LINGO1: variants seen among roughly 807,000 people sequenced by gnomAD.
LINGO1 encodes the protein leucine-rich repeat and immunoglobulin-like domain-containing nogo receptor-interacting protein 1.
In LINGO1, 11 loss-of-function variants were observed where a neutral mutation model predicts 37.3. The observed-to-expected ratio is 0.29, with a 90% CI of 0.19 to 0.49. The LOEUF is 0.49. LINGO1 is among the 20% of genes least tolerant of loss of function. The pLI is 0.99. For synonymous variants in LINGO1, 387 were observed against 403.0 expected (o/e 0.96, Z 0.48); for missense variants, 585 against 878.2 (o/e 0.67, Z 4.22).
intron 1 of LINGO1, among the ~76,000 whole-genome samples, chr15:77,743,689 C>T (rs545949695): frequency 6.7e-4 from 102 of 152,104 alleles, no homozygotes; most frequent in Middle Eastern, 6.8e-3. Flanking sequence ...GAGTTATTCT[C>T]GAGTTAACAA....
rs2075823175 is a variant in LINGO1, at chr15:77,704,425, A to C, written c.-194-13524T>G. Reference sequence around the variant, plus strand: ...GATTGAACCCCAACCCTGGCCACACACTGAATCCCGACCCTGGTCAGACAC... The same window carrying C: ...GATTGAACCCCAACCCTGGCCACACCCTGAATCCCGACCCTGGTCAGACAC... On this transcript the variant is annotated intron_variant, in intron 2 of 3. Coordinates refer to the LINGO1 transcript ENST00000561686. Among the ~76,000 whole-genome samples the C allele has an allele frequency of 1.1e-4, 16 of 150,826 alleles. 1 individual carries two copies. Among genetic ancestry groups the C allele is most frequent in the African/African-American group, 3.5e-4 (14 of 40,210 alleles).
In LINGO1 at chr15:77,621,150, G is replaced by A. The variant is rs553549208; in HGVS notation, c.7-5250C>T. On this transcript the variant is annotated intron_variant, in intron 1 of 1. Transcript: ENST00000355300. ...GCTCACTGTGACCTCCACCTCCCAG[G>A]TTCAAGTGATTTTCTGGCCTCAGCC... Among the ~76,000 whole-genome samples, 21 of 151,846 alleles carry A rather than the reference G, an allele frequency of 1.4e-4. No individual in the cohort carries two copies. In the South Asian group the frequency reaches 3.9e-3, roughly 29 times the overall value.
chr15:77,742,682 C>G (rs2076275942), intron 1 of LINGO1, among the ~76,000 whole-genome samples: 1 of 152,222 alleles, frequency 6.6e-6, no homozygotes, highest in South Asian at 2.1e-4. Context: ...CCATAACTTT[C>G]ATTTAGCCTG....
intron 2 of LINGO1, among the ~76,000 whole-genome samples, chr15:77,721,989 A>T (rs2076055075): frequency 6.6e-6 from 1 of 151,812 alleles, no homozygotes; most frequent in Non-Finnish European, 1.5e-5. Context: ...GTACCTGCTC[A>T]CCTTCCGAGG....
At chr15:77,666,291 A>G (rs1160159085) in intron 3 of LINGO1, among the ~76,000 whole-genome samples, 1 of 152,174 alleles carries the variant, frequency 6.6e-6, no homozygotes, top group African/African-American at 2.4e-5. Context: ...CTCGCCTCTC[A>G]TTCAGCAAAC....
chr15:77,645,217 C>T (rs535194495), intron 3 of LINGO1, among the ~76,000 whole-genome samples: 12 of 152,322 alleles, frequency 7.9e-5, no homozygotes, highest in South Asian at 2.1e-4. Flanking sequence ...CCATCCATTC[C>T]CAACACCAGG....
chr15:77,813,461 CAG>C (rs2077022816), intron 1 of LINGO1, among the ~76,000 whole-genome samples: 1 of 152,074 alleles, frequency 6.6e-6, no homozygotes, highest in South Asian at 2.1e-4. Context: ...CTGGAGGTAA[CAG>C]GGAGTGCTGG....
intron 1 of LINGO1, among the ~76,000 whole-genome samples, chr15:77,766,011 G>A (rs1421837156): frequency 1.3e-5 from 2 of 152,216 alleles, no homozygotes; most frequent in Admixed American, 1.3e-4. Context: ...GCTAGAGAAT[G>A]GAGCTGGCAC....
At chr15:77,685,896 C>G (rs1157077411) in intron 2 of LINGO1, among the ~76,000 whole-genome samples, 2 of 152,116 alleles carry the variant, frequency 1.3e-5, no homozygotes, top group African/African-American at 4.8e-5. Flanking sequence ...AATGGGATTT[C>G]AGACTCTTCC....
intron 2 of LINGO1, among the ~76,000 whole-genome samples, chr15:77,710,558 AG>A (rs1373180950): frequency 1.3e-5 from 2 of 152,256 alleles, no homozygotes; most frequent in African/African-American, 2.4e-5. Flanking sequence ...TCTAAATCAA[AG>A]GTTCTCCAGA....
At chr15:77,646,881 G>A (rs901894849) in intron 3 of LINGO1, among the ~76,000 whole-genome samples, 11 of 152,144 alleles carry the variant, frequency 7.2e-5, no homozygotes, top group African/African-American at 2.4e-4. Flanking sequence ...CACCAGGGCC[G>A]GCCTAGAATC....
At chr15:77,746,949 G>A (rs1032316633) in intron 1 of LINGO1, among the ~76,000 whole-genome samples, 5 of 152,080 alleles carry the variant, frequency 3.3e-5, no homozygotes, top group African/African-American at 1.2e-4. Context: ...AACCCCCATT[G>A]GACAGATGGG....
chr15:77,697,253 C>A (rs1217881093), upstream of LINGO1, among the ~76,000 whole-genome samples: 1 of 152,170 alleles, frequency 6.6e-6, no homozygotes, highest in Non-Finnish European at 1.5e-5. Context: ...ATGATGGTGG[C>A]AGGGTGGGGA....
intron 2 of LINGO1, among the ~76,000 whole-genome samples, chr15:77,793,039 T>C (rs1482290611): frequency 6.6e-6 from 1 of 151,994 alleles, no homozygotes; most frequent in Non-Finnish European, 1.5e-5. Context: ...ACCTCCAGCC[T>C]CCTCCCTGGC....
chr15:77,660,162 T>A (rs1448867846), intron 3 of LINGO1: 1 of 152,154 alleles, frequency 6.6e-6, no homozygotes, highest in Admixed American at 6.5e-5. Flanking sequence ...ACTCACTCTA[T>A]AGGGTTCGTT....
chr15:77,673,942 A>AT (rs138481163), intron 3 of LINGO1, among the ~76,000 whole-genome samples: 12,121 of 151,142 alleles, frequency 0.08, 662 homozygotes, highest in African/African-American at 0.14. Flanking sequence ...GAAATTCTTA[A>AT]TTTTTTTTTA....
At chr15:77,642,072 G>A (rs1298370207) in intron 3 of LINGO1, 2 of 438,644 alleles carry the variant, frequency 4.6e-6, no homozygotes, top group South Asian at 3.3e-5. Flanking sequence ...GACATTTCTT[G>A]TGGACAGTAG....
intron 2 of LINGO1, among the ~76,000 whole-genome samples, chr15:77,687,292 A>C (rs2075528134): frequency 6.6e-6 from 1 of 152,134 alleles, no homozygotes; most frequent in African/African-American, 2.4e-5. Context: ...TTGTAAAACC[A>C]GGATCAAAGT....
intron 1 of LINGO1, among the ~76,000 whole-genome samples, chr15:77,762,779 C>G (rs2076490280): frequency 6.6e-6 from 1 of 152,196 alleles, no homozygotes; most frequent in Admixed American, 6.5e-5. Flanking sequence ...AGAGACAAAC[C>G]ACTTCCTCTT....
Sources: gnomAD v4.1 joint callset for allele counts (sites outside exome capture counted in the v4.1 genomes callset) on GRCh38, gnomAD v4.1.1 for gene constraint, MANE v1.5 for transcripts, NCBI Gene and HGNC (gene_info 2026-07-23, HGNC 2026-07-21) for gene names.